Variants in EYS observed in about 807,000 individuals in gnomAD.
EYS encodes the protein protein eyes shut homolog.
A neutral mutation model predicts 282.1 loss-of-function variants in EYS; 250 were observed. That is an observed-to-expected ratio of 0.89 (90% CI 0.80 to 0.98). EYS has a LOEUF of 0.98. EYS is among the 50% of genes least tolerant of loss of function. EYS has a pLI of 0.00. For missense variants in EYS, 4,016 were observed against 3,709.0 expected, an observed-to-expected ratio of 1.08 and a Z score of -2.15; for synonymous variants, 1,355 against 1,282.9, an observed-to-expected ratio of 1.06 and a Z score of -1.20.
chr6:65,547,633 AGTT>A (rs1209416246), intron 2 of EYS, among the ~76,000 whole-genome samples: 1 of 152,158 alleles, frequency 6.6e-6, no homozygotes, highest in African/African-American at 2.4e-5. Context: ...CACTTGAAAA[AGTT>A]GTATTTATGC....
At chr6:63,937,340 CTTTTCTTTT>C (rs1765089348) in intron 35 of EYS, among the ~76,000 whole-genome samples, 7 of 46,088 alleles carry the variant, frequency 1.5e-4, no homozygotes, top group Admixed American at 2.9e-4. Flanking sequence ...AGGCTTCTCT[CTTTTCTTTT>C]TTTTTTTTTT....
At chr6:64,580,401 G>A (rs1248119678) in intron 26 of EYS, among the ~76,000 whole-genome samples, 1 of 152,120 alleles carries the variant, frequency 6.6e-6, no homozygotes, top group Non-Finnish European at 1.5e-5. Context: ...CTTCCAATAG[G>A]CAGTGGCATT....
At chr6:64,684,838 C>T (rs1340434886) in intron 22 of EYS, among the ~76,000 whole-genome samples, 5 of 151,734 alleles carry the variant, frequency 3.3e-5, no homozygotes, top group African/African-American at 4.8e-5. Flanking sequence ...TAAAAACTTT[C>T]AGTTAACTGA....
intron 12 of EYS, among the ~76,000 whole-genome samples, chr6:65,126,805 C>G (rs1469275606): frequency 6.6e-6 from 1 of 152,118 alleles, no homozygotes; most frequent in Non-Finnish European, 1.5e-5. Context: ...AAAGTGCTGG[C>G]GTTCCAAAAA....
chr6:64,917,675 T>G (rs1768208412), intron 15 of EYS, among the ~76,000 whole-genome samples: 1 of 152,144 alleles, frequency 6.6e-6, no homozygotes, highest in South Asian at 2.1e-4. Flanking sequence ...TTAAAATTTT[T>G]TAAGAGAGAT....
chr6:63,952,379 A>G (rs1020650817), intron 35 of EYS, among the ~76,000 whole-genome samples: 3 of 152,226 alleles, frequency 2.0e-5, no homozygotes, highest in Admixed American at 6.5e-5. Context: ...TTGCCTCAGA[A>G]GCCTCCTGGA....
intron 30 of EYS, among the ~76,000 whole-genome samples, chr6:64,267,199 G>A (rs1490115994): frequency 3.3e-5 from 5 of 152,062 alleles, no homozygotes; most frequent in African/African-American, 1.2e-4. Context: ...GGGAAATGTT[G>A]CATGAAATTA....
chr6:64,965,391 T>C (rs1770058545), intron 14 of EYS, among the ~76,000 whole-genome samples: 1 of 151,878 alleles, frequency 6.6e-6, no homozygotes, highest in African/African-American at 2.4e-5. Flanking sequence ...ATATTATATA[T>C]GTTATTACAA....
rs542852827 is a variant in EYS at position 64,454,201 on chromosome 6, C to A, written c.5645-14849G>T. On this transcript the variant is annotated intron_variant, in intron 26 of 42. Transcript: ENST00000503581. ...CTGTCAGGCAGTGTTCTTCCATGTA[C>A]CTGAATCTGTTTCTGGGCTCATTAT... Among the ~76,000 whole-genome samples, 4 of 152,152 alleles carry A rather than the reference C, an allele frequency of 2.6e-5. No individual in the cohort carries two copies. In the East Asian group the frequency reaches 5.8e-4, roughly 22 times the overall value.
intron 12 of EYS, among the ~76,000 whole-genome samples, chr6:65,182,197 A>G (rs1284428417): frequency 1.3e-5 from 2 of 151,442 alleles, no homozygotes; most frequent in African/African-American, 4.8e-5. Flanking sequence ...CCCTAAAACT[A>G]AAGTATAATA....
intron 2 of EYS, among the ~76,000 whole-genome samples, chr6:65,602,734 A>T (rs1457688524): frequency 6.6e-6 from 1 of 152,022 alleles, no homozygotes; most frequent in Non-Finnish European, 1.5e-5. Context: ...GGGGAAGCAC[A>T]GGTTGTAAAT....
chr6:65,016,942 AC>A (rs1420954821), intron 13 of EYS, among the ~76,000 whole-genome samples: 1 of 152,168 alleles, frequency 6.6e-6, no homozygotes, highest in African/African-American at 2.4e-5. Flanking sequence ...TCTTTAAGGG[AC>A]ATTAAGTGGT....
intron 35 of EYS, among the ~76,000 whole-genome samples, chr6:63,957,878 T>G (rs1765890035): frequency 7.1e-6 from 1 of 141,062 alleles, no homozygotes; most frequent in South Asian, 2.3e-4. Flanking sequence ...AAGGCCATCA[T>G]ATTGACAACA....
At chr6:64,614,545 G>T (rs2149846997) in intron 24 of EYS, among the ~76,000 whole-genome samples, 1 of 152,136 alleles carries the variant, frequency 6.6e-6, no homozygotes, top group Admixed American at 6.6e-5. Context: ...TGACCAAAAT[G>T]AAAACACGTA....
At chr6:64,473,711 T>C (rs1776188566) in intron 26 of EYS, among the ~76,000 whole-genome samples, 1 of 152,156 alleles carries the variant, frequency 6.6e-6, no homozygotes, top group African/African-American at 2.4e-5. Context: ...GTGCTACAAA[T>C]TGGCACAACT....
chr6:64,384,532 T>G (rs1326806193), intron 29 of EYS, among the ~76,000 whole-genome samples: 1 of 152,196 alleles, frequency 6.6e-6, no homozygotes, highest in African/African-American at 2.4e-5. Flanking sequence ...AATATTTATT[T>G]ATTTCCATAA....
At chr6:64,350,786 C>T (rs1454177940) in intron 29 of EYS, among the ~76,000 whole-genome samples, 1 of 151,564 alleles carries the variant, frequency 6.6e-6, no homozygotes, top group Admixed American at 6.6e-5. Flanking sequence ...CCATGCAAGT[C>T]TCATCTTGAA....
At chr6:63,999,353 G>A (rs541646955) in intron 33 of EYS, among the ~76,000 whole-genome samples, 170 bp from the exon 34 acceptor site, 8 of 152,178 alleles carry the variant, frequency 5.3e-5, no homozygotes, top group Non-Finnish European at 1.2e-4. Flanking sequence ...GATAAAAGAT[G>A]TATTTCTTTT....
chr6:64,438,842 C>T (rs959830664), intron 27 of EYS, among the ~76,000 whole-genome samples: 2 of 151,380 alleles, frequency 1.3e-5, no homozygotes, highest in South Asian at 2.1e-4. Context: ...AAAATAGAGA[C>T]CTTTTGAGCA....
Sources: gnomAD v4.1 joint callset for allele counts (sites outside exome capture counted in the v4.1 genomes callset) on GRCh38, gnomAD v4.1.1 for gene constraint, MANE v1.5 for transcripts, NCBI Gene and HGNC (gene_info 2026-07-23, HGNC 2026-07-21) for gene names.